Variants in OXR1 observed in about 807,000 individuals in gnomAD.
The protein encoded by OXR1 is oxidation resistance protein 1.
OXR1 carries 41 observed loss-of-function variants against 104.6 expected under a neutral mutation model. The observed-to-expected ratio is 0.39, with a 90% CI of 0.31 to 0.51. The LOEUF (loss-of-function observed/expected upper bound fraction) is 0.51, where lower values mean the gene tolerates loss of function less well. Ranked by LOEUF, OXR1 falls within the 20% of genes least tolerant of loss-of-function variation. The pLI is 0.77. For missense variants in OXR1, 955 were observed against 1,031.9 expected, an observed-to-expected ratio of 0.93 and a Z score of 1.02; for synonymous variants, 348 against 348.4, an observed-to-expected ratio of 1.00 and a Z score of 0.01.
chr8:106,479,606 T>A (rs1821996476), intron 2 of OXR1, among the ~76,000 whole-genome samples: 1 of 152,020 alleles, frequency 6.6e-6, no homozygotes, highest in Non-Finnish European at 1.5e-5. Context: ...GACATTGCTT[T>A]CTTTGCACAA....
chr8:106,462,242 T>C (rs1202344674), intron 2 of OXR1, among the ~76,000 whole-genome samples: 1 of 152,234 alleles, frequency 6.6e-6, no homozygotes, highest in African/African-American at 2.4e-5. Flanking sequence ...CCCAGATTTA[T>C]GTATTCACAT....
chr8:106,640,589 A>G (rs1823549107), intron 3 of OXR1, among the ~76,000 whole-genome samples: 1 of 152,086 alleles, frequency 6.6e-6, no homozygotes, highest in African/African-American at 2.4e-5. Context: ...TAATAATAGA[A>G]TAAGTACATG....
chr8:106,430,029 G>A (rs1025377488), intron 2 of OXR1, among the ~76,000 whole-genome samples: 4 of 151,534 alleles, frequency 2.6e-5, no homozygotes, highest in African/African-American at 7.3e-5. Context: ...TCTGTAGCCT[G>A]TGTGTGTGTG....
At chr8:106,413,083 A>G (rs1818525102) in intron 2 of OXR1, among the ~76,000 whole-genome samples, 4 of 152,188 alleles carry the variant, frequency 2.6e-5, no homozygotes, top group African/African-American at 9.6e-5. Context: ...TTTGTTTTAT[A>G]CAAGGCTCAA....
chr8:106,442,168 T>C (rs1170293169), intron 2 of OXR1, among the ~76,000 whole-genome samples: 1 of 152,218 alleles, frequency 6.6e-6, no homozygotes, highest in South Asian at 2.1e-4. Flanking sequence ...TCTATTGAGA[T>C]AATCATGTGA....
Position 106,692,949 on chromosome 8 carries a change from T to A in OXR1, c.675+72T>A, listed in dbSNP as rs1052266977. The A allele has an allele frequency of 3.6e-6, 4 of 1,122,152 alleles. No homozygotes were observed. The African/African-American group carries it at 4.7e-5, about 13-fold the overall frequency. 69.5% of individuals were successfully genotyped at this position (1,122,152 alleles called of 1,614,324 possible). A position where few individuals can be genotyped will look rare whatever the true frequency, so the allele number is the denominator to read the frequency against. On this transcript the variant is annotated intron_variant, in intron 7 of 16. Coordinates refer to ENST00000517566, the MANE Select transcript of OXR1 (RefSeq NM_001198533.2). ...TTACTAATGTATGATAGTTTGGCATTTACATTTTAAGTCATCAATGTCAGA... is the reference window on the plus strand; with the variant it reads ...TTACTAATGTATGATAGTTTGGCATATACATTTTAAGTCATCAATGTCAGA...
intron 2 of OXR1, among the ~76,000 whole-genome samples, chr8:106,410,926 T>C (rs1308118863): frequency 1.3e-5 from 2 of 152,178 alleles, no homozygotes; most frequent in Non-Finnish European, 2.9e-5. Flanking sequence ...TTTATATTCA[T>C]CCAATTATTC....
intron 2 of OXR1, among the ~76,000 whole-genome samples, chr8:106,393,827 A>G (rs1817674412): frequency 6.6e-6 from 1 of 152,062 alleles, no homozygotes. Context: ...TTTACTAAGT[A>G]CTTGATATAA....
chr8:106,522,235 C>G (rs1376651145), intron 3 of OXR1, among the ~76,000 whole-genome samples: 8 of 152,100 alleles, frequency 5.3e-5, no homozygotes, highest in Non-Finnish European at 1.2e-4. Context: ...TTCCAGAACC[C>G]TCACAGATAC....
chr8:106,408,985 CAAGCCTGTTT>C lies in OXR1; in HGVS notation c.23+49353_23+49362del, dbSNP rs1818354968. 2.6e-5 allele frequency among the ~76,000 whole-genome samples: 4 copies of C among 152,272 alleles called. No homozygotes were observed. The South Asian group carries it at 6.2e-4, about 24-fold the overall frequency. On this transcript the variant is annotated intron_variant, in intron 2 of 16. Coordinates refer to ENST00000517566, the MANE Select transcript of OXR1 (RefSeq NM_001198533.2). ...TGAGTTCCTGGTCAACACAAGTAAACAAGCCTGTTTAAGAAAAATTCCCCCATACTCCCTT... is the reference window on the plus strand; with the variant it reads ...TGAGTTCCTGGTCAACACAAGTAAACAAGAAAAATTCCCCCATACTCCCTT...
chr8:106,404,608 C>T (rs1211355495), intron 2 of OXR1, among the ~76,000 whole-genome samples: 1 of 151,564 alleles, frequency 6.6e-6, no homozygotes, highest in African/African-American at 2.4e-5. Context: ...TTTTTTTTCA[C>T]CACTTTGTCC....
intron 3 of OXR1, among the ~76,000 whole-genome samples, chr8:106,533,440 A>G (rs1814238455): frequency 6.6e-6 from 1 of 152,234 alleles, no homozygotes; most frequent in Admixed American, 6.5e-5. Context: ...TGGTAGCAGG[A>G]GAAGACTCTT....
At chr8:106,509,865 G>A (rs1812409284) in intron 2 of OXR1, among the ~76,000 whole-genome samples, 2 of 152,270 alleles carry the variant, frequency 1.3e-5, no homozygotes. Context: ...CTGCCTCCTG[G>A]ATTCAAGCAA....
At chr8:106,310,738 T>C (rs1191119603) in intron 1 of OXR1, among the ~76,000 whole-genome samples, 2 of 152,232 alleles carry the variant, frequency 1.3e-5, no homozygotes, top group African/African-American at 4.8e-5. Context: ...TTCTTCATTT[T>C]CTTCTAGCAC....
At chr8:106,729,148 A>G (rs1476032633) in intron 11 of OXR1, among the ~76,000 whole-genome samples, 5 of 152,124 alleles carry the variant, frequency 3.3e-5, no homozygotes, top group Non-Finnish European at 5.9e-5. Context: ...AATATGAGTT[A>G]CCTTATTTAA....
intron 3 of OXR1, among the ~76,000 whole-genome samples, chr8:106,635,322 T>C (rs1354241675): frequency 6.6e-6 from 1 of 152,238 alleles, no homozygotes; most frequent in African/African-American, 2.4e-5. Flanking sequence ...TTGAAAATTG[T>C]TGCATATGTG....
In OXR1 at chr8:106,414,269, A is replaced by AC. The variant is rs1818580534; in HGVS notation, c.23+54635dup. 2.6e-5 allele frequency among the ~76,000 whole-genome samples: 4 copies of AC among 152,132 alleles called. No individual in the cohort carries two copies. The South Asian group carries it at 8.3e-4, about 31-fold the overall frequency. ...AGTGACGGCAGATAGTTCCAACATG[A>AC]CCAGTGCTAAGAGACCATGATCAGC... is the stretch of plus-strand genomic sequence containing the variant. On this transcript the variant is annotated intron_variant, in intron 2 of 16. Transcript: ENST00000517566.
intron 2 of OXR1, among the ~76,000 whole-genome samples, chr8:106,398,159 A>G (rs1326170391): frequency 6.6e-6 from 1 of 152,070 alleles, no homozygotes; most frequent in African/African-American, 2.4e-5. Flanking sequence ...TAAAGATCCT[A>G]TTTCCAAATA....
chr8:106,571,836 A>G (rs1363826111), intron 3 of OXR1, among the ~76,000 whole-genome samples: 1 of 151,930 alleles, frequency 6.6e-6, no homozygotes, highest in African/African-American at 2.4e-5. Flanking sequence ...CCAAAAGAGG[A>G]AAAAAAACAG....
Sources: gnomAD v4.1 joint callset for allele counts (sites outside exome capture counted in the v4.1 genomes callset) on GRCh38, gnomAD v4.1.1 for gene constraint, MANE v1.5 for transcripts, NCBI Gene and HGNC (gene_info 2026-07-23, HGNC 2026-07-21) for gene names.